ZNF596: variants seen among roughly 807,000 people sequenced by gnomAD.
The protein encoded by ZNF596 is zinc finger protein 596.
Under a neutral mutation model 48.3 loss-of-function variants are expected in ZNF596, and 45 were observed. That is an observed-to-expected ratio of 0.93 (90% CI 0.73 to 1.19). The LOEUF (loss-of-function observed/expected upper bound fraction) is 1.19. Among genes scored for constraint, ZNF596 ranks in the 50% most tolerant of loss-of-function variants. ZNF596 has a pLI of 0.00. For synonymous variants in ZNF596, 270 were observed against 202.0 expected (o/e 1.34, Z -2.85); for missense variants, 848 against 599.7 (o/e 1.41, Z -4.32).
In ZNF596 at chr8:240,150, T is replaced by G. The variant is rs1359700184; in HGVS notation, c.-72-674T>G. 2.0e-5 allele frequency among the ~76,000 whole-genome samples: 3 copies of G among 152,332 alleles called. No homozygotes were observed. The South Asian group carries it at 6.2e-4, about 32-fold the overall frequency. ...CACATACATGTTCAAGTTTTCATGT[T>G]CTTAGTGTCCTTTCATTTCAACTTG... is the stretch of plus-strand genomic sequence containing the variant. On this transcript the variant is annotated intron_variant, in intron 1 of 5. Coordinates refer to ENST00000398612, the MANE Select transcript of ZNF596 (RefSeq NM_001042416.3).
Position 245,224 on chromosome 8 carries a change from T to C in ZNF596, c.377T>C (p.Leu126Ser). 6.2e-7 allele frequency: 1 copy of C among 1,613,890 alleles called. No individual in the cohort carries two copies. The highest frequency in any genetic ancestry group is 8.5e-7 in the Non-Finnish European group (1 of 1,179,924). Residue 126 changes from leucine to serine, a missense_variant, in exon 6 of 6, where the codon TTG becomes TCG. Coordinates refer to ENST00000398612, the MANE Select transcript of ZNF596 (RefSeq NM_001042416.3). ...GAAGATTTCACTCAACATATAGCAT[T>C]GACTCAAAATGTGATTACCTACATG... is the stretch of plus-strand genomic sequence containing the variant. Reference protein sequence around the residue: ...LGEDFTQHIALTQNVITYMRT... With the variant: ...LGEDFTQHIASTQNVITYMRT...
chr8:244,284 A>C, intron 4 of ZNF596: 1 of 276,380 alleles, frequency 3.6e-6, no homozygotes, highest in Non-Finnish European at 6.7e-6. Context: ...GTAGGTATCA[A>C]TTTTTATTCA....
intron 2 of ZNF596, among the ~76,000 whole-genome samples, chr8:241,344 G>A (rs1372670614): frequency 6.6e-6 from 1 of 152,160 alleles, no homozygotes; most frequent in African/African-American, 2.4e-5. Context: ...TGTTTCAGGT[G>A]TTAGGGGAGG....
intron 1 of ZNF596, among the ~76,000 whole-genome samples, chr8:239,895 C>G (rs543619891): frequency 6.6e-6 from 1 of 152,180 alleles, no homozygotes; most frequent in Non-Finnish European, 1.5e-5. Flanking sequence ...GATCACCCCC[C>G]ATCCTAGAGC....
In ZNF596 at chr8:237,883, C is replaced by T. The variant is rs141897387; in HGVS notation, c.-72-2941C>T. On this transcript the variant is annotated intron_variant, in intron 1 of 5. Transcript: ENST00000398612. ...TTTTAATCTCCATGGCCTGGCTGAG[C>T]TTCTGCCATCTGTCTTCCTAGGCAC... 2.1e-3 allele frequency among the ~76,000 whole-genome samples: 320 copies of T among 152,336 alleles called. 2 individuals carry two copies. Among genetic ancestry groups the T allele is most frequent in the African/African-American group, 7.4e-3 (306 of 41,578 alleles).
At chr8:244,595 T>TA (rs768065938) in intron 4 of ZNF596, 24 bp from the exon 5 acceptor site, 1 of 1,487,940 alleles carries the variant, frequency 6.7e-7, no homozygotes, top group Admixed American at 1.7e-5. Context: ...CTATATAGCA[T>TA]CTTTTTTTTT....
chr8:246,408 A>T lies in ZNF596; in HGVS notation c.*46A>T, dbSNP rs200225663. 2.0e-6 allele frequency: 3 copies of T among 1,525,204 alleles called. No individual in the cohort carries two copies. In the African/African-American group the frequency reaches 4.2e-5, roughly 21 times the overall value. The allele number at this position is 1,525,204 out of a possible 1,614,324, so 94.5% of individuals were successfully genotyped here. ...AACACTAAATACACCAAGGACAAAC[A>T]TACTACAGGAATATTATGTCTGTAA... is the stretch of plus-strand genomic sequence containing the variant. On this transcript the variant is annotated 3_prime_UTR_variant, in exon 6 of 6. Transcript: ENST00000398612.
At chr8:240,102 CT>C (rs1183377272) in intron 1 of ZNF596, among the ~76,000 whole-genome samples, 4 of 152,136 alleles carry the variant, frequency 2.6e-5, no homozygotes, top group Admixed American at 2.6e-4. Flanking sequence ...ACCAAACTAT[CT>C]ATTTCTTACA....
chr8:237,146 A>C (rs924090041), intron 1 of ZNF596: 12 of 152,226 alleles, frequency 7.9e-5, no homozygotes, highest in African/African-American at 2.9e-4. Context: ...AATTATTCCC[A>C]TTTCTTAGAT....
Position 246,295 on chromosome 8 carries a change from C to T in ZNF596, c.1448C>T (p.Ala483Val). 3 of 1,606,626 alleles carry T rather than the reference C, an allele frequency of 1.9e-6. No homozygotes were observed. The highest frequency in any genetic ancestry group is 2.5e-6 in the Non-Finnish European group (3 of 1,177,978). Residue 483 changes from alanine to valine, a missense_variant, in exon 6 of 6, where the codon GCC becomes GTC. By Grantham distance (64) the Ala-to-Val change is moderately conservative. Coordinates refer to ENST00000398612, the MANE Select transcript of ZNF596 (RefSeq NM_001042416.3). Reference protein sequence around the residue: ...KPYVCPLCGKAFSKFFNLRQH... With the variant: ...KPYVCPLCGKVFSKFFNLRQH... The stretch of plus-strand genomic sequence containing the variant: ...TATGTATGTCCTCTATGTGGGAAAG[C>T]CTTTAGTAAATTTTTTAACCTTAGA...
intron 1 of ZNF596, among the ~76,000 whole-genome samples, chr8:239,030 A>G (rs2906330): frequency 0.6 from 90,623 of 151,882 alleles, 27,695 homozygotes; most frequent in African/African-American, 0.72. Flanking sequence ...GATCAATACA[A>G]GGCTTCAAGA....
In ZNF596 at chr8:245,435, A is replaced by G. The variant is rs1469799656; in HGVS notation, c.588A>G (p.Glu196=). 2 of 1,614,216 alleles carry G rather than the reference A, an allele frequency of 1.2e-6. No individual in the cohort carries two copies. The highest frequency in any genetic ancestry group is 2.2e-5 in the East Asian group (1 of 44,876). Reference sequence around the variant, plus strand: ...CTCACACTAGAGAGATAACATTGGAATGTCGTGTGTGTGGGAAAACCTTTA... The same window carrying G: ...CTCACACTAGAGAGATAACATTGGAGTGTCGTGTGTGTGGGAAAACCTTTA... The part of the protein sequence containing the change: ...SVTHTREITL[E]CRVCGKTFSK... Residue 196 remains glutamate (E), a synonymous_variant, in exon 6 of 6, where the codon GAA becomes GAG. Coordinates refer to ENST00000398612, the MANE Select transcript of ZNF596 (RefSeq NM_001042416.3).
chr8:241,706 A>C (rs1289255897), intron 2 of ZNF596, among the ~76,000 whole-genome samples: 3 of 152,194 alleles, frequency 2.0e-5, no homozygotes, highest in African/African-American at 7.2e-5. Context: ...CAACATGAAG[A>C]AACAAAATAG....
chr8:232,446 C>G (rs1447589697), upstream of ZNF596: 1 of 252,032 alleles, frequency 4.0e-6, no homozygotes, highest in African/African-American at 2.4e-5. Flanking sequence ...GTGGCCAAAC[C>G]CAGCCACGCA....
At chr8:241,603 A>G (rs1039233754) in intron 2 of ZNF596, among the ~76,000 whole-genome samples, 6 of 152,200 alleles carry the variant, frequency 3.9e-5, no homozygotes, top group Admixed American at 3.3e-4. Context: ...GTGATGGAGT[A>G]TAGGAAACAG....
rs145649322 is a variant in ZNF596, at chr8:238,582, T to C, written c.-72-2242T>C. ...TTGAGAGGCCGAGGTAGGCAGATCA[T>C]TTGAGGCCAGGAGTTCAAAATCAGC... is the stretch of plus-strand genomic sequence containing the variant. On this transcript the variant is annotated intron_variant, in intron 1 of 5. Transcript: ENST00000398612. Among the ~76,000 whole-genome samples, 307 of 147,692 alleles carry C rather than the reference T, an allele frequency of 2.1e-3. 1 individual carries two copies. Among genetic ancestry groups the C allele is most frequent in the African/African-American group, 7.4e-3 (293 of 39,422 alleles).
At chr8:244,442 T>A (rs1324678865) in intron 4 of ZNF596, 177 bp from the exon 5 acceptor site, 9 of 584,722 alleles carry the variant, frequency 1.5e-5, no homozygotes, top group Admixed American at 1.0e-4. Flanking sequence ...TTTTTTTATA[T>A]GCTGAAAATG....
At chr8:243,288 T>C in intron 3 of ZNF596, 1 of 323,232 alleles carries the variant, frequency 3.1e-6, no homozygotes, top group Non-Finnish European at 5.7e-6. Flanking sequence ...AGAAAAGTTA[T>C]GGTAATTCAC....
intron 1 of ZNF596, chr8:234,419 A>G (rs1796543544): frequency 6.6e-6 from 1 of 152,240 alleles, no homozygotes; most frequent in African/African-American, 2.4e-5. Context: ...TGTCTTTTAC[A>G]CATGTTGAGT....
Sources: gnomAD v4.1 joint callset for allele counts (sites outside exome capture counted in the v4.1 genomes callset) on GRCh38, gnomAD v4.1.1 for gene constraint, MANE v1.5 for transcripts, NCBI Gene and HGNC (gene_info 2026-07-23, HGNC 2026-07-21) for gene names.